Variants in GRM5 observed in about 807,000 individuals in gnomAD.
GRM5 encodes the protein metabotropic glutamate receptor 5.
GRM5 carries 19 observed loss-of-function variants against 83.1 expected under a neutral mutation model. The ratio of observed to expected loss-of-function variants is 0.23; its 90% CI spans 0.16 to 0.34. The LOEUF (loss-of-function observed/expected upper bound fraction) is 0.34. Among genes scored for constraint, GRM5 ranks in the 10% least tolerant of loss-of-function variants. GRM5 has a pLI of 1.00. For synonymous variants in GRM5, 675 were observed against 633.6 expected (o/e 1.07, Z -0.98); for missense variants, 1,160 against 1,588.3 (o/e 0.73, Z 4.58).
At chr11:88,987,064 A>G (rs1251332646) in intron 2 of GRM5, among the ~76,000 whole-genome samples, 7 of 152,018 alleles carry the variant, frequency 4.6e-5, no homozygotes, top group Non-Finnish European at 5.9e-5. Flanking sequence ...GCAAGGCAGA[A>G]GACGGGTGAT....
chr11:88,606,212 C>A (rs1400826780), intron 4 of GRM5, among the ~76,000 whole-genome samples: 5 of 152,190 alleles, frequency 3.3e-5, no homozygotes, highest in African/African-American at 1.2e-4. Context: ...GGCAGAGATG[C>A]TTAAGCCATG....
intron 3 of GRM5, among the ~76,000 whole-genome samples, chr11:88,767,373 G>A (rs146966902): frequency 2.6e-4 from 39 of 152,000 alleles, no homozygotes; most frequent in Admixed American, 1.8e-3. Context: ...ACACATGTAT[G>A]TGTATATTCA....
chr11:88,894,208 T>C (rs1945193495), intron 2 of GRM5, among the ~76,000 whole-genome samples: 1 of 152,098 alleles, frequency 6.6e-6, no homozygotes, highest in South Asian at 2.1e-4. Context: ...CTGTGCATTA[T>C]GTAAACATCA....
chr11:88,783,051 C>T lies in GRM5; in HGVS notation c.911+66855G>A, dbSNP rs149223530. Among the ~76,000 whole-genome samples, 469 of 152,140 alleles carry T rather than the reference C, an allele frequency of 3.1e-3. 1 individual carries two copies. Among genetic ancestry groups the T allele is most frequent in the African/African-American group, 0.01 (424 of 41,534 alleles). ...CAAAACTAGATCCAGAACTAAAGTC[C>T]GCCTGACTTAAAGGCTGGACTCTAC... On this transcript the variant is annotated intron_variant, in intron 3 of 9. Transcript: ENST00000305447.
At chr11:88,822,088 C>G (rs1943808698) in intron 3 of GRM5, among the ~76,000 whole-genome samples, 1 of 152,114 alleles carries the variant, frequency 6.6e-6, no homozygotes, top group Non-Finnish European at 1.5e-5. Flanking sequence ...GTTTAAGTGA[C>G]TTCATATACC....
chr11:88,902,002 C>G (rs940518994), intron 2 of GRM5, among the ~76,000 whole-genome samples: 14 of 152,096 alleles, frequency 9.2e-5, no homozygotes, highest in African/African-American at 3.4e-4. Context: ...CCATCCTTTT[C>G]TACATTTCTT....
intron 2 of GRM5, among the ~76,000 whole-genome samples, chr11:88,958,708 T>C (rs892868713): frequency 3.5e-4 from 53 of 152,298 alleles, no homozygotes; most frequent in African/African-American, 1.2e-3. Context: ...TAAGAAGTAC[T>C]GAATGCTCCA....
At chr11:88,752,122 T>G (rs6483422) in intron 3 of GRM5, among the ~76,000 whole-genome samples, 150,280 of 152,108 alleles carry the variant, frequency 0.99, 74,263 homozygotes, top group East Asian at 1. Flanking sequence ...GCAAGAGAAA[T>G]AAATAAATGG....
chr11:88,616,224 A>G (rs1043848831), intron 4 of GRM5, among the ~76,000 whole-genome samples: 2 of 152,266 alleles, frequency 1.3e-5, no homozygotes, highest in African/African-American at 4.8e-5. Flanking sequence ...TTCACATTCA[A>G]AATATAAAGA....
intron 2 of GRM5, among the ~76,000 whole-genome samples, chr11:88,971,935 T>G (rs1939176485): frequency 6.6e-6 from 1 of 152,088 alleles, no homozygotes; most frequent in Non-Finnish European, 1.5e-5. Flanking sequence ...AGAGGTACTC[T>G]AGGGGCATGT....
intron 6 of GRM5, 151 bp from the exon 7 acceptor site, chr11:88,590,878 A>G (rs1309699567): frequency 2.0e-6 from 1 of 501,198 alleles, no homozygotes; most frequent in Non-Finnish European, 3.5e-6. Flanking sequence ...TTTAATATTA[A>G]TTTATAATTA....
intron 3 of GRM5, among the ~76,000 whole-genome samples, chr11:88,827,972 G>A (rs1308751319): frequency 1.3e-5 from 2 of 152,162 alleles, no homozygotes; most frequent in Non-Finnish European, 2.9e-5. Context: ...AAATGTGATG[G>A]TCAGAGATGT....
chr11:88,906,889 A>G (rs603472), intron 2 of GRM5, among the ~76,000 whole-genome samples: 143,536 of 152,284 alleles, frequency 0.94, 67,707 homozygotes, highest in South Asian at 0.97. Context: ...TAAGGAGTTA[A>G]TCAATTACCA....
intron 2 of GRM5, among the ~76,000 whole-genome samples, chr11:88,879,137 A>C (rs1195650011): frequency 6.6e-6 from 1 of 152,144 alleles, no homozygotes; most frequent in Non-Finnish European, 1.5e-5. Flanking sequence ...ATAAAATGTG[A>C]GGAAAAATTT....
At chr11:88,808,088 TG>T (rs1943527131) in intron 3 of GRM5, among the ~76,000 whole-genome samples, 1 of 152,026 alleles carries the variant, frequency 6.6e-6, no homozygotes, top group Non-Finnish European at 1.5e-5. Flanking sequence ...ATTCAATAAT[TG>T]TGTATGTGAT....
At chr11:88,522,976 A>G (rs537776992) in intron 9 of GRM5, 3 of 152,272 alleles carry the variant, frequency 2.0e-5, no homozygotes, top group East Asian at 1.9e-4. Flanking sequence ...TGGTATGTTT[A>G]TCTGGGATCT....
intron 4 of GRM5, among the ~76,000 whole-genome samples, chr11:88,622,486 A>G (rs562214842): frequency 9.9e-5 from 15 of 152,118 alleles, no homozygotes; most frequent in Non-Finnish European, 2.1e-4. Context: ...TATCCACCTT[A>G]CCACTATGAA....
intron 2 of GRM5, among the ~76,000 whole-genome samples, chr11:89,023,162 T>TGTGTGC (rs1555063063): frequency 1.3e-5 from 2 of 151,058 alleles, no homozygotes; most frequent in African/African-American, 4.9e-5. Flanking sequence ...TGTGTGTGTG[T>TGTGTGC]GTGCGCGCGC....
chr11:88,896,866 T>C (rs1294756773), intron 2 of GRM5, among the ~76,000 whole-genome samples: 10 of 151,900 alleles, frequency 6.6e-5, no homozygotes, highest in Admixed American at 5.3e-4. Context: ...CTCAGAGATA[T>C]AACCAAAAAC....
Sources: gnomAD v4.1 joint callset for allele counts (sites outside exome capture counted in the v4.1 genomes callset) on GRCh38, gnomAD v4.1.1 for gene constraint, MANE v1.5 for transcripts, NCBI Gene and HGNC (gene_info 2026-07-23, HGNC 2026-07-21) for gene names.